The following MCMDC2 variants were observed in gnomAD, a reference collection of about 807,000 sequenced individuals.
MCMDC2 encodes the protein minichromosome maintenance domain containing 2.
Under a neutral mutation model 75.8 loss-of-function variants are expected in MCMDC2, and 54 were observed. The ratio of observed to expected loss-of-function variants is 0.71; its 90% CI spans 0.57 to 0.89. The LOEUF (loss-of-function observed/expected upper bound fraction) is 0.89, where lower values mean the gene tolerates loss of function less well. MCMDC2 is among the 40% of genes least tolerant of loss of function. The probability of loss-of-function intolerance (pLI) is 0.00; values close to 1 mark genes in which losing one functional copy is unlikely to be tolerated. For synonymous variants in MCMDC2, 249 were observed against 274.6 expected, an observed-to-expected ratio of 0.91 and a Z score of 0.92; for missense variants, 656 against 780.4, an observed-to-expected ratio of 0.84 and a Z score of 1.90.
chr8:66,889,485 CTCTG>C (rs1032045266), intron 9 of MCMDC2, among the ~76,000 whole-genome samples: 1 of 151,992 alleles, frequency 6.6e-6, no homozygotes, highest in Non-Finnish European at 1.5e-5. Context: ...CAGAGCGAGA[CTCTG>C]TCTCTTAAGA....
intron 9 of MCMDC2, among the ~76,000 whole-genome samples, chr8:66,889,871 CAAAA>C (rs1198224718): frequency 6.6e-6 from 1 of 152,018 alleles, no homozygotes; most frequent in Non-Finnish European, 1.5e-5. Context: ...CAAAGACAAA[CAAAA>C]AACCCCATAA....
intron 1 of MCMDC2, among the ~76,000 whole-genome samples, chr8:66,873,475 C>A (rs1811122872): frequency 6.6e-6 from 1 of 152,182 alleles, no homozygotes; most frequent in Admixed American, 6.5e-5. Flanking sequence ...AAAGGACCCT[C>A]ATCATCAGAT....
In MCMDC2 at chr8:66,920,379, A is replaced by T. The variant is rs1415835402; in HGVS notation, c.*1210A>T. 1.3e-5 allele frequency: 2 copies of T among 151,952 alleles called. No individual in the cohort carries two copies. Among genetic ancestry groups the T allele is most frequent in the African/African-American group, 4.8e-5 (2 of 41,342 alleles). The allele number at this position is 151,952 out of a possible 1,614,324, so 9.4% of individuals were successfully genotyped here. A position where few individuals can be genotyped will look rare whatever the true frequency, so the allele number is the denominator to read the frequency against. ...GGGATTACAGGTGCACTCCACCATG[A>T]CTGGCTAATTTTTGTATTTTTAGTA... On this transcript the variant is annotated 3_prime_UTR_variant, in exon 15 of 15. Coordinates refer to ENST00000422365, the MANE Select transcript of MCMDC2 (RefSeq NM_173518.5).
intron 8 of MCMDC2, among the ~76,000 whole-genome samples, chr8:66,883,355 A>C (rs1435295350): frequency 6.6e-6 from 1 of 152,240 alleles, no homozygotes; most frequent in South Asian, 2.1e-4. Context: ...GCTCACATAG[A>C]TCTTAAAAGG....
chr8:66,895,014 C>T (rs576334308), intron 10 of MCMDC2, among the ~76,000 whole-genome samples: 1 of 152,332 alleles, frequency 6.6e-6, no homozygotes, highest in Admixed American at 6.5e-5. Context: ...CCTCAGTATT[C>T]TCCAGGGGTT....
At chr8:66,925,110 G>A (rs981950037), downstream of MCMDC2, among the ~76,000 whole-genome samples, 1 of 152,206 alleles carries the variant, frequency 6.6e-6, no homozygotes, top group Non-Finnish European at 1.5e-5. Context: ...ACCGGGTGGA[G>A]CACGAAGCCT....
At chr8:66,876,776 C>T (rs1811304412) in intron 4 of MCMDC2, among the ~76,000 whole-genome samples, 1 of 143,520 alleles carries the variant, frequency 7.0e-6, no homozygotes, top group Non-Finnish European at 1.6e-5. Flanking sequence ...CACTCTGTCA[C>T]CCAGGCTGGA....
rs546770982 is a variant in MCMDC2, at chr8:66,891,823, C to T, written c.1279+753C>T. Among the ~76,000 whole-genome samples, 43 of 152,338 alleles carry T rather than the reference C, an allele frequency of 2.8e-4. 1 individual carries two copies. The highest frequency in any genetic ancestry group is 6.8e-3 in the Middle Eastern group (2 of 292). Reference sequence around the variant, plus strand: ...ACTGCACATAGCCAGGCACACCAGCCGCTGTGGCAGGGCAGGCAGCTCCAG... The same window carrying T: ...ACTGCACATAGCCAGGCACACCAGCTGCTGTGGCAGGGCAGGCAGCTCCAG... On this transcript the variant is annotated intron_variant, in intron 10 of 14. Coordinates refer to ENST00000422365, the MANE Select transcript of MCMDC2 (RefSeq NM_173518.5).
chr8:66,925,287 TG>T (rs1004995891), downstream of MCMDC2: 7 of 152,328 alleles, frequency 4.6e-5, no homozygotes, highest in African/African-American at 1.4e-4. Flanking sequence ...TCGTGGGCCT[TG>T]GGGGCACCGG....
At chr8:66,872,044 C>T (rs1811047669) in intron 1 of MCMDC2, among the ~76,000 whole-genome samples, 1 of 152,198 alleles carries the variant, frequency 6.6e-6, no homozygotes, top group Non-Finnish European at 1.5e-5. Context: ...CATTCCACCC[C>T]AGAAACCTAA....
chr8:66,887,546 T>G (rs1241732799), intron 9 of MCMDC2, among the ~76,000 whole-genome samples: 1 of 152,028 alleles, frequency 6.6e-6, no homozygotes, highest in Non-Finnish European at 1.5e-5. Context: ...CAAGACCCTG[T>G]CTCAAAAAAG....
chr8:66,908,196 C>T (rs1585905768), intron 14 of MCMDC2, among the ~76,000 whole-genome samples: 1 of 151,964 alleles, frequency 6.6e-6, no homozygotes. Context: ...GGTTTTTATG[C>T]TTTTAGGTTT....
At chr8:66,901,717 G>C (rs1585895225) in intron 13 of MCMDC2, 2 of 783,414 alleles carry the variant, frequency 2.6e-6, no homozygotes, top group Non-Finnish European at 1.6e-6. Context: ...GATTGCCTGA[G>C]GTCAGGAGTT....
Position 66,901,188 on chromosome 8 carries a change from A to AT in MCMDC2, c.1627-13dup, listed in dbSNP as rs768646686. On this transcript the variant is annotated splice_polypyrimidine_tract_variant and intron_variant, in intron 12 of 14. Transcript: ENST00000422365. ...CCATAATAAAGCTTGATTATCTTGG[A>AT]TTTTTCACACTTTTTAGCTATTGGC... 1.5e-5 allele frequency: 24 copies of AT among 1,593,700 alleles called. No homozygotes were observed. The highest frequency in any genetic ancestry group is 6.8e-5 in the Admixed American group (4 of 59,000).
At chr8:66,924,568 G>A (rs1193867376), downstream of MCMDC2, among the ~76,000 whole-genome samples, 2 of 151,248 alleles carry the variant, frequency 1.3e-5, no homozygotes, top group Admixed American at 6.6e-5. Context: ...CCGGGAGGTG[G>A]AGGATTCAGT....
Position 66,878,867 on chromosome 8 carries a change from A to T in MCMDC2, c.657A>T (p.Gly219=), listed in dbSNP as rs567533616. ...CAAAGGCACTTCGTGCTTTTCAAGGATATTCTAACAACCAGCCATTTAGGT... is the reference window on the plus strand; with the variant it reads ...CAAAGGCACTTCGTGCTTTTCAAGGTTATTCTAACAACCAGCCATTTAGGT... ...IATKALRAFQ[G]YSNNQPFRFQ... The change falls in exon 7 of 15, where the codon GGA becomes GGT. Residue 219 remains glycine (G), a synonymous_variant. Transcript: ENST00000422365. 6.2e-7 allele frequency: 1 copy of T among 1,611,080 alleles called. No individual in the cohort carries two copies.
intron 9 of MCMDC2, among the ~76,000 whole-genome samples, chr8:66,890,136 G>A (rs1021536499): frequency 3.3e-5 from 5 of 152,008 alleles, no homozygotes; most frequent in Non-Finnish European, 5.9e-5. Flanking sequence ...AAGTGATCTC[G>A]GCTCACTGGA....
rs1473318870 is a variant in MCMDC2, at chr8:66,921,252, G to T, written c.*2083G>T. 1 of 152,110 alleles carries T rather than the reference G, an allele frequency of 6.6e-6. No homozygotes were observed. The highest frequency in any genetic ancestry group is 2.4e-5 in the African/African-American group (1 of 41,418). The allele number at this position is 152,110 out of a possible 1,614,324, so 9.4% of individuals were successfully genotyped here. Reference sequence around the variant, plus strand: ...TTAAAGGTTATTGGAGAATTAGAAGGGGGTGGGGTGCAGGACGAAAAATTA... The same window carrying T: ...TTAAAGGTTATTGGAGAATTAGAAGTGGGTGGGGTGCAGGACGAAAAATTA... On this transcript the variant is annotated 3_prime_UTR_variant, in exon 15 of 15. Coordinates refer to ENST00000422365, the MANE Select transcript of MCMDC2 (RefSeq NM_173518.5).
At chr8:66,873,201 T>C (rs1192795626) in intron 1 of MCMDC2, among the ~76,000 whole-genome samples, 1 of 152,200 alleles carries the variant, frequency 6.6e-6, no homozygotes, top group Non-Finnish European at 1.5e-5. Flanking sequence ...TACTCATTAC[T>C]GTGGTTTAAT....
Sources: gnomAD v4.1 joint callset for allele counts (sites outside exome capture counted in the v4.1 genomes callset) on GRCh38, gnomAD v4.1.1 for gene constraint, MANE v1.5 for transcripts, NCBI Gene and HGNC (gene_info 2026-07-23, HGNC 2026-07-21) for gene names.